Variants in ADGRL2 observed in about 807,000 individuals in gnomAD.
ADGRL2 encodes the protein adhesion G protein-coupled receptor L2.
A neutral mutation model predicts 157.4 loss-of-function variants in ADGRL2; 44 were observed. That is an observed-to-expected ratio of 0.28 (90% CI 0.22 to 0.36). The LOEUF is 0.36. ADGRL2 is among the 10% of genes least tolerant of loss of function. The pLI is 1.00. For synonymous variants in ADGRL2, 585 were observed against 624.7 expected (o/e 0.94, Z 0.95); for missense variants, 1,510 against 1,768.9 (o/e 0.85, Z 2.63).
chr1:81,646,561 C>T (rs2082319022), intron 3 of ADGRL2, among the ~76,000 whole-genome samples: 1 of 152,122 alleles, frequency 6.6e-6, no homozygotes, highest in African/African-American at 2.4e-5. Flanking sequence ...AAATGAGATA[C>T]TAGAGTTCTG....
intron 2 of ADGRL2, among the ~76,000 whole-genome samples, chr1:81,558,904 T>C (rs1401041080): frequency 6.6e-6 from 1 of 152,146 alleles, no homozygotes; most frequent in Non-Finnish European, 1.5e-5. Flanking sequence ...CAGTTCAGAG[T>C]GCAGGCATTT....
chr1:81,339,215 C>T (rs746929096), intron 1 of ADGRL2, among the ~76,000 whole-genome samples: 5 of 152,124 alleles, frequency 3.3e-5, no homozygotes, highest in African/African-American at 7.2e-5. Flanking sequence ...GGAAGGCGCT[C>T]CATTTCACTG....
At chr1:81,511,481 A>G (rs1028703968) in intron 2 of ADGRL2, among the ~76,000 whole-genome samples, 2 of 151,776 alleles carry the variant, frequency 1.3e-5, no homozygotes, top group Admixed American at 1.3e-4. Flanking sequence ...TCAACATACC[A>G]ACGATTAGCA....
At chr1:81,604,654 G>A (rs559586832) in intron 3 of ADGRL2, among the ~76,000 whole-genome samples, 1 of 152,144 alleles carries the variant, frequency 6.6e-6, no homozygotes, top group African/African-American at 2.4e-5. Flanking sequence ...AATCAAGAGA[G>A]CTGGCCACCC....
intron 3 of ADGRL2, among the ~76,000 whole-genome samples, chr1:81,907,929 G>A (rs2094620237): frequency 6.6e-6 from 1 of 152,180 alleles, no homozygotes; most frequent in Non-Finnish European, 1.5e-5. Context: ...TTTGGTTAGT[G>A]ATGAACTGCG....
chr1:81,975,289 A>G (rs1274716635), intron 17 of ADGRL2, among the ~76,000 whole-genome samples: 1 of 152,062 alleles, frequency 6.6e-6, no homozygotes, highest in Non-Finnish European at 1.5e-5. Context: ...AGTTTAGACA[A>G]ATGTTTGTGT....
intron 2 of ADGRL2, among the ~76,000 whole-genome samples, chr1:81,449,279 G>A (rs2077662053): frequency 6.6e-6 from 1 of 151,668 alleles, no homozygotes. Flanking sequence ...TGCTTTTGGG[G>A]GCTAAATAAC....
chr1:81,850,067 A>G (rs2092944923), intron 2 of ADGRL2, among the ~76,000 whole-genome samples: 1 of 151,932 alleles, frequency 6.6e-6, no homozygotes, highest in Admixed American at 6.6e-5. Context: ...CCCCACTACA[A>G]ACAGCCACAT....
intron 3 of ADGRL2, among the ~76,000 whole-genome samples, chr1:81,642,435 A>AG (rs1326084468): frequency 6.6e-6 from 1 of 151,686 alleles, no homozygotes; most frequent in Admixed American, 6.6e-5. Context: ...AGAAAAGAAA[A>AG]AAAAAAAAAG....
intron 3 of ADGRL2, among the ~76,000 whole-genome samples, chr1:81,654,628 C>T (rs1227547427): frequency 6.6e-6 from 1 of 152,202 alleles, no homozygotes; most frequent in Non-Finnish European, 1.5e-5. Context: ...GCTTTGGCTT[C>T]AAACTCTTCC....
chr1:81,554,172 T>A lies in ADGRL2; in HGVS notation c.-247-26704T>A, dbSNP rs192492415. Reference sequence around the variant, plus strand: ...TAATGAGAACATGAGAGGTATTTGTTGTTTGTCATAATGATTGGTTCCAGG... The same window carrying A: ...TAATGAGAACATGAGAGGTATTTGTAGTTTGTCATAATGATTGGTTCCAGG... On this transcript the variant is annotated intron_variant, in intron 2 of 24. Transcript: ENST00000370721. 3.8e-3 allele frequency among the ~76,000 whole-genome samples: 586 copies of A among 152,324 alleles called. 4 individuals are homozygous for A. The highest frequency in any genetic ancestry group is 3.0e-3 in the Non-Finnish European group (205 of 68,022).
intron 1 of ADGRL2, among the ~76,000 whole-genome samples, chr1:81,810,805 G>T (rs12118811): frequency 0.26 from 39,279 of 151,506 alleles, 5,555 homozygotes; most frequent in South Asian, 0.39. Context: ...TCTAAAACAC[G>T]TCACTTTGCC....
chr1:81,392,017 C>A (rs554337064), intron 1 of ADGRL2, among the ~76,000 whole-genome samples: 1 of 152,176 alleles, frequency 6.6e-6, no homozygotes, highest in South Asian at 2.1e-4. Flanking sequence ...CATGGGAGAA[C>A]GTAAGTCACA....
intron 2 of ADGRL2, among the ~76,000 whole-genome samples, chr1:81,869,331 G>C (rs2150971873): frequency 6.6e-6 from 1 of 151,698 alleles, no homozygotes; most frequent in Admixed American, 6.6e-5. Context: ...TCAAAGTTCT[G>C]ATTTTAAAAA....
At chr1:81,487,091 C>CAAAAAA (rs146122539) in intron 2 of ADGRL2, among the ~76,000 whole-genome samples, 267 of 84,660 alleles carry the variant, frequency 3.2e-3, no homozygotes, top group East Asian at 4.0e-3. Context: ...CTCATCTCTA[C>CAAAAAA]AAAAAAAAAA....
chr1:81,675,483 A>C (rs2148931941), intron 3 of ADGRL2, among the ~76,000 whole-genome samples: 1 of 152,336 alleles, frequency 6.6e-6, no homozygotes, highest in East Asian at 1.9e-4. Flanking sequence ...AATTATAAAT[A>C]AGTTAACAGA....
At chr1:81,623,926 C>T (rs528479783) in intron 3 of ADGRL2, among the ~76,000 whole-genome samples, 5 of 152,076 alleles carry the variant, frequency 3.3e-5, no homozygotes, top group African/African-American at 1.2e-4. Flanking sequence ...TGAGCCATCA[C>T]ACCCAGCTGA....
At chr1:81,785,728 T>TA (rs906859422) in intron 2 of ADGRL2, among the ~76,000 whole-genome samples, 13 of 151,848 alleles carry the variant, frequency 8.6e-5, no homozygotes, top group African/African-American at 2.9e-4. Context: ...ACCCCGTGTC[T>TA]AAAAAAACGA....
intron 1 of ADGRL2, among the ~76,000 whole-genome samples, chr1:81,333,762 CAAAAAA>C (rs35097540): frequency 1.8e-5 from 2 of 111,968 alleles, no homozygotes; most frequent in African/African-American, 6.7e-5. Context: ...GTTCCCTAAG[CAAAAAA>C]AAAAAAAAAA....
Sources: gnomAD v4.1 joint callset for allele counts (sites outside exome capture counted in the v4.1 genomes callset) on GRCh38, gnomAD v4.1.1 for gene constraint, MANE v1.5 for transcripts, NCBI Gene and HGNC (gene_info 2026-07-23, HGNC 2026-07-21) for gene names.